Variants in RAPGEF5 observed in about 807,000 individuals in gnomAD.
RAPGEF5 encodes Rap guanine nucleotide exchange factor 5.
Under a neutral mutation model 125.2 loss-of-function variants are expected in RAPGEF5, and 65 were observed. The observed-to-expected ratio is 0.52, with a 90% CI of 0.43 to 0.64. The LOEUF is 0.64. Ranked by LOEUF, RAPGEF5 falls within the 30% of genes least tolerant of loss-of-function variation. The pLI, the probability that RAPGEF5 is intolerant of heterozygous loss-of-function variation, is 0.00. For missense variants in RAPGEF5, 958 were observed against 1,048.1 expected, an observed-to-expected ratio of 0.91 and a Z score of 1.19; for synonymous variants, 391 against 385.9, an observed-to-expected ratio of 1.01 and a Z score of -0.16.
intron 6 of RAPGEF5, among the ~76,000 whole-genome samples, chr7:22,276,676 A>G (rs1382944702): frequency 1.3e-5 from 2 of 152,254 alleles, no homozygotes. Flanking sequence ...CCGAGATCCA[A>G]AAGTCTAAAA....
intron 7 of RAPGEF5, among the ~76,000 whole-genome samples, chr7:22,244,816 C>T (rs1786434814): frequency 6.6e-6 from 1 of 152,124 alleles, no homozygotes; most frequent in Admixed American, 6.5e-5. Flanking sequence ...CTTCAACATA[C>T]TAATTTCAAT....
At position 22,193,986 on chromosome 7, in the gene RAPGEF5, G is replaced by T; in HGVS notation, c.1044C>A (p.Ser348Arg). 1 of 1,613,924 alleles carries T rather than the reference G, an allele frequency of 6.2e-7. No homozygotes were observed. The highest frequency in any genetic ancestry group is 1.3e-5 in the African/African-American group (1 of 75,032). Residue 348 changes from serine to arginine, a missense_variant, in exon 10 of 26, where the codon AGC becomes AGA. By Grantham distance (110) the Ser-to-Arg change is moderately radical (BLOSUM62 -1). Coordinates refer to ENST00000665637, the MANE Select transcript of RAPGEF5 (RefSeq NM_012294.5). ...ACTGCACTTTCTTCAGCACCAGGAC[G>T]CTCTGGTCTTGCTCTTTAACCTGAA... ...TTVQVKEQDQ[S>R]VLVLKKVQCC... is the part of the protein sequence containing the mutation.
At chr7:22,192,362 T>C (rs964448928) in intron 11 of RAPGEF5, 4 of 152,272 alleles carry the variant, frequency 2.6e-5, no homozygotes, top group Non-Finnish European at 5.9e-5. Flanking sequence ...CACATACTTG[T>C]TTCTCTTATT....
In RAPGEF5 at chr7:22,161,166, G is replaced by A. The variant is rs909480442; in HGVS notation, c.1429-551C>T. ...GGAGCTTGCAGTGAGCCGAGATCGC[G>A]CCACTGCACTCCAGCCTAGGCGACA... On this transcript the variant is annotated intron_variant, in intron 13 of 25. Transcript: ENST00000665637. Among the ~76,000 whole-genome samples the A allele has an allele frequency of 9.2e-5, 14 of 152,180 alleles. No homozygotes were observed. In the East Asian group the frequency reaches 2.1e-3, roughly 23 times the overall value.
At chr7:22,187,807 A>G (rs1216770433) in intron 11 of RAPGEF5, among the ~76,000 whole-genome samples, 1 of 152,250 alleles carries the variant, frequency 6.6e-6, no homozygotes, top group African/African-American at 2.4e-5. Flanking sequence ...TCTATAACCA[A>G]TAGAAACCTA....
intron 2 of RAPGEF5, among the ~76,000 whole-genome samples, chr7:22,316,096 C>T (rs564398388): frequency 5.9e-5 from 9 of 152,022 alleles, no homozygotes; most frequent in Non-Finnish European, 8.8e-5. Flanking sequence ...CTAATTCCCC[C>T]ATATGAGTCT....
intron 1 of RAPGEF5, among the ~76,000 whole-genome samples, chr7:22,332,417 T>C (rs1173727748): frequency 6.6e-6 from 1 of 152,204 alleles, no homozygotes; most frequent in African/African-American, 2.4e-5. Flanking sequence ...TTTTTACATA[T>C]GTACTTAAAT....
At chr7:22,156,770 T>C in intron 16 of RAPGEF5, 40 bp downstream of exon 16, 1 of 1,611,336 alleles carries the variant, frequency 6.2e-7, no homozygotes, top group Non-Finnish European at 8.5e-7. Flanking sequence ...GGTGGCTAAC[T>C]GCTGCCCACC....
chr7:22,208,046 A>G (rs991026273), intron 9 of RAPGEF5, among the ~76,000 whole-genome samples: 8 of 152,000 alleles, frequency 5.3e-5, no homozygotes, highest in African/African-American at 1.9e-4. Flanking sequence ...CTTCTTCTTT[A>G]CTGGGTTTTC....
chr7:22,349,906 C>A (rs1366010715), intron 1 of RAPGEF5, among the ~76,000 whole-genome samples: 1 of 152,152 alleles, frequency 6.6e-6, no homozygotes, highest in African/African-American at 2.4e-5. Context: ...ATACCTCTTC[C>A]CTTCAGGGGA....
chr7:22,174,024 T>C (rs1340823712), intron 11 of RAPGEF5, among the ~76,000 whole-genome samples: 2 of 152,128 alleles, frequency 1.3e-5, no homozygotes. Flanking sequence ...CTCTAGGCCT[T>C]AGTTAAGTCA....
rs532711702 is a variant in RAPGEF5, at chr7:22,278,452, G to C, written c.748-11440C>G. ...ATCACTTTTTTGTGGTTTTTGTTGG[G>C]TAATTTATAGTAATGTAGGTTTATG... On this transcript the variant is annotated intron_variant, in intron 6 of 25. Transcript: ENST00000665637. Among the ~76,000 whole-genome samples the C allele has an allele frequency of 2.0e-5, 3 of 151,922 alleles. No individual in the cohort carries two copies. The East Asian group carries it at 5.8e-4, about 29-fold the overall frequency.
chr7:22,202,271 G>C (rs1264625048), intron 9 of RAPGEF5, among the ~76,000 whole-genome samples: 2 of 152,190 alleles, frequency 1.3e-5, no homozygotes, highest in Non-Finnish European at 2.9e-5. Context: ...TTTGGAGCCA[G>C]TTTTCACCCA....
intron 16 of RAPGEF5, among the ~76,000 whole-genome samples, chr7:22,155,010 A>G (rs1783760009): frequency 1.3e-5 from 2 of 152,212 alleles, no homozygotes; most frequent in African/African-American, 2.4e-5. Context: ...GCTGCATATT[A>G]AAGTGTCTAA....
At chr7:22,297,456 G>T (rs1268730777) in intron 5 of RAPGEF5, among the ~76,000 whole-genome samples, 1 of 152,188 alleles carries the variant, frequency 6.6e-6, no homozygotes, top group African/African-American at 2.4e-5. Context: ...GGGAGCAATT[G>T]TGATACAGTT....
chr7:22,207,024 G>C (rs1020321663), intron 9 of RAPGEF5, among the ~76,000 whole-genome samples: 2 of 152,166 alleles, frequency 1.3e-5, no homozygotes, highest in African/African-American at 4.8e-5. Context: ...GTTGATATAA[G>C]TCGCAAATAT....
intron 9 of RAPGEF5, among the ~76,000 whole-genome samples, chr7:22,216,282 T>C (rs576615272): frequency 6.6e-6 from 1 of 152,338 alleles, no homozygotes; most frequent in East Asian, 1.9e-4. Context: ...CTTCCCTTCT[T>C]TGATGGCTTT....
At chr7:22,335,011 C>T (rs775642784) in intron 1 of RAPGEF5, among the ~76,000 whole-genome samples, 39 of 152,262 alleles carry the variant, frequency 2.6e-4, no homozygotes, top group Admixed American at 1.9e-3. Context: ...GATTCAGTCC[C>T]GAATCCAGTT....
At chr7:22,170,634 A>T (rs1784320007) in intron 11 of RAPGEF5, among the ~76,000 whole-genome samples, 2 of 152,210 alleles carry the variant, frequency 1.3e-5, no homozygotes, top group Non-Finnish European at 2.9e-5. Flanking sequence ...TCCATTCCAG[A>T]ACAACCTTAG....
Sources: allele counts gnomAD v4.1 joint callset (sites outside exome capture counted in the v4.1 genomes callset), GRCh38; gene constraint gnomAD v4.1.1; transcripts MANE v1.5; gene names NCBI Gene and HGNC (gene_info 2026-07-23, HGNC 2026-07-21).